The following NLRP1 variants were observed in gnomAD, a reference collection of about 807,000 sequenced individuals.
NLRP1 encodes the protein NLR family pyrin domain containing 1.
NLRP1 carries 94 observed loss-of-function variants against 136.7 expected under a neutral mutation model. That is an observed-to-expected ratio of 0.69 (90% CI 0.58 to 0.82). The LOEUF (loss-of-function observed/expected upper bound fraction) is 0.82. Among genes scored for constraint, NLRP1 ranks in the 40% least tolerant of loss-of-function variants. The probability of loss-of-function intolerance (pLI) is 0.00; values close to 1 mark genes in which losing one functional copy is unlikely to be tolerated. For missense variants in NLRP1, 1,575 were observed against 1,802.7 expected (o/e 0.87, Z 2.29); for synonymous variants, 690 against 725.1 (o/e 0.95, Z 0.78).
rs201250670 is a variant in NLRP1, at chr17:5,521,587, G to A, written c.3720C>T (p.Arg1240=). The A allele has an allele frequency of 6.2e-6, 10 of 1,614,062 alleles. No individual in the cohort carries two copies. Among genetic ancestry groups the A allele is most frequent in the South Asian group, 3.3e-5 (3 of 91,082 alleles). The stretch of plus-strand genomic sequence containing the variant: ...GGAAGGTGACTTCCTCAGGATGGAC[G>A]CGGTGGTAAAGCAACACCACAGAGG... ...PVTSVVLLYH[R]VHPEEVTFHL... Residue 1240 remains arginine, a synonymous_variant, in exon 13 of 17, where the codon CGC becomes CGT. Transcript: ENST00000572272.
intron 12 of NLRP1, among the ~76,000 whole-genome samples, chr17:5,525,705 T>C (rs555028303): frequency 6.6e-6 from 1 of 152,362 alleles, no homozygotes; most frequent in African/African-American, 2.4e-5. Context: ...TCTTACCAAC[T>C]GTGGGACTCT....
chr17:5,528,628 T>G (rs975929703), intron 12 of NLRP1, among the ~76,000 whole-genome samples: 1 of 152,178 alleles, frequency 6.6e-6, no homozygotes, highest in Non-Finnish European at 1.5e-5. Flanking sequence ...TTTTTCTCAT[T>G]TGATTTTTCT....
rs1162098358 is a variant in NLRP1, at chr17:5,517,354, C to CA, written c.4057+391_4057+392insT. Among the ~76,000 whole-genome samples the CA allele has an allele frequency of 3.2e-4, 26 of 80,838 alleles. 1 individual carries two copies. The highest frequency in any genetic ancestry group is 9.7e-4 in the African/African-American group (20 of 20,614). 53.0% of individuals were successfully genotyped at this position (80,838 alleles called of 152,430 possible). ...AACTGTGATAGTGCACTCTGCACCCCCCCCCCTCCCACATACACAGACTTT... is the reference window on the plus strand; with the variant it reads ...AACTGTGATAGTGCACTCTGCACCCCACCCCCCTCCCACATACACAGACTTT... On this transcript the variant is annotated intron_variant, in intron 15 of 16. Transcript: ENST00000572272.
In NLRP1 at chr17:5,583,625, G is replaced by A; in HGVS notation, c.271+62C>T. 6.7e-7 allele frequency: 1 copy of A among 1,495,826 alleles called. No individual in the cohort carries two copies. The highest frequency in any genetic ancestry group is 9.0e-7 in the Non-Finnish European group (1 of 1,110,218). The allele number at this position is 1,495,826 out of a possible 1,614,324, so 92.7% of individuals were successfully genotyped here. A position where few individuals can be genotyped will look rare whatever the true frequency, so the allele number is the denominator to read the frequency against. ...GGGCTCAGTGGTGGGGTCCCAAGAG[G>A]GCAGGGCAGGCATGAGGGCCAGGGG... On this transcript the variant is annotated intron_variant, in intron 1 of 16. Transcript: ENST00000572272. This position sits in a 1 kb window ranked among gnomAD's most constrained non-coding sequence, Gnocchi z 4.5.
At chr17:5,512,329 G>C, downstream of NLRP1, 1 of 1,391,936 alleles carries the variant, frequency 7.2e-7, no homozygotes. Flanking sequence ...GCCAAGAGGC[G>C]GGTCTACTTT....
chr17:5,553,643 T>C, intron 4 of NLRP1, 87 bp from the exon 5 acceptor site: 2 of 1,266,280 alleles, frequency 1.6e-6, no homozygotes, highest in Non-Finnish European at 2.2e-6. Flanking sequence ...AGTTGGGCTT[T>C]GTCCCCCTGA....
At chr17:5,530,383 G>C in intron 12 of NLRP1, 98 bp downstream of exon 12, 1 of 1,117,564 alleles carries the variant, frequency 8.9e-7, no homozygotes, top group Non-Finnish European at 1.3e-6. Flanking sequence ...CCCCTCTAAG[G>C]AAGCCACAAC....
In NLRP1 at chr17:5,517,746, C is replaced by A. The variant is rs781601159; in HGVS notation, c.4057G>T (p.Gly1353Ter). ...TLVWEALVKP[G>*]DLMPATTLIP... is the part of the protein sequence containing the mutation. ...TTCTCTGGAATTGTCCTGGATTTAC[C>A]TGGTTTCACCAAGGCCTCCCACACC... The change falls in exon 15 of 17, where the codon GGA becomes TGA. Residue 1353 changes from glycine (G) to a stop codon, truncating the protein, a stop_gained and splice_region_variant. Coordinates refer to ENST00000572272, the MANE Select transcript of NLRP1 (RefSeq NM_033004.4). LOFTEE classifies it low-confidence loss of function (END_TRUNC). 3.1e-6 allele frequency: 5 copies of A among 1,614,042 alleles called. No homozygotes were observed. Among genetic ancestry groups the A allele is most frequent in the Non-Finnish European group, 4.2e-6 (5 of 1,180,016 alleles).
At chr17:5,503,552 A>T (rs531807220) in intron 15 of NLRP1, 19 of 152,264 alleles carry the variant, frequency 1.2e-4, no homozygotes, top group African/African-American at 4.1e-4. Flanking sequence ...AGAAATGAAT[A>T]TATCACAAAA....
At chr17:5,544,327 G>C (rs1363177979) in intron 5 of NLRP1, among the ~76,000 whole-genome samples, 1 of 152,146 alleles carries the variant, frequency 6.6e-6, no homozygotes, top group Non-Finnish European at 1.5e-5. Flanking sequence ...TTGGTGATTT[G>C]GTGGGGGCAA....
At chr17:5,542,710 A>C (rs1912021219) in intron 5 of NLRP1, among the ~76,000 whole-genome samples, 2 of 146,330 alleles carry the variant, frequency 1.4e-5, no homozygotes, top group African/African-American at 2.5e-5. Context: ...AATTTTGCCC[A>C]TTTCCCTCCC....
At chr17:5,534,525 C>T (rs1178809822) in intron 8 of NLRP1, among the ~76,000 whole-genome samples, 1 of 152,200 alleles carries the variant, frequency 6.6e-6, no homozygotes, top group African/African-American at 2.4e-5. Context: ...ACCCTAAGAG[C>T]TGATCACCTT....
Position 5,583,745 on chromosome 17 carries a change from G to C in NLRP1, c.213C>G (p.Leu71=). Residue 71 remains leucine, a synonymous_variant, in exon 1 of 17, where the codon CTC becomes CTG. Coordinates refer to ENST00000572272, the MANE Select transcript of NLRP1 (RefSeq NM_033004.4). This position sits in a 1 kb window ranked among gnomAD's most constrained non-coding sequence, Gnocchi z 4.5. ...YGEQRAWDLA[L]HTWEQMGLRS... is the part of the protein sequence containing the mutation. ...TCAGCCCCATCTGCTCCCAGGTATG[G>C]AGGGCTAGGTCCCAGGCCCGCTGCT... is the stretch of plus-strand genomic sequence containing the variant. The C allele has an allele frequency of 6.4e-7, 1 of 1,553,018 alleles. No individual in the cohort carries two copies. Among genetic ancestry groups the C allele is most frequent in the Non-Finnish European group, 8.7e-7 (1 of 1,148,082 alleles).
chr17:5,529,407 G>T (rs565131759), intron 12 of NLRP1, among the ~76,000 whole-genome samples: 1 of 150,112 alleles, frequency 6.7e-6, no homozygotes, highest in Non-Finnish European at 1.5e-5. Context: ...TCGCTCTGTG[G>T]CCCAGGCTGG....
At chr17:5,512,604 C>A (rs1461210200), downstream of NLRP1, 3 of 477,404 alleles carry the variant, frequency 6.3e-6, no homozygotes, top group African/African-American at 1.9e-5. Context: ...GCGTGAAGGA[C>A]CCGAAAGACA....
intron 3 of NLRP1, among the ~76,000 whole-genome samples, chr17:5,579,579 T>G (rs1249014895): frequency 6.6e-6 from 1 of 152,214 alleles, no homozygotes; most frequent in Non-Finnish European, 1.5e-5. Flanking sequence ...GCAATCCCAT[T>G]ATTGGGTATA....
intron 4 of NLRP1, among the ~76,000 whole-genome samples, chr17:5,557,858 C>T (rs1265465612): frequency 6.6e-6 from 1 of 152,114 alleles, no homozygotes; most frequent in Non-Finnish European, 1.5e-5. Flanking sequence ...ATAGGAAACT[C>T]TTTTTGAGAG....
At position 5,533,055 on chromosome 17, in the gene NLRP1, G is replaced by A. The variant is rs1484962098; in HGVS notation, c.3134-71C>T. Reference sequence around the variant, plus strand: ...CTCCCCTAGCCCCTATGGCTGCACTGTAAGGGGCCCTTCCCAAGGCTGGCC... The same window carrying A: ...CTCCCCTAGCCCCTATGGCTGCACTATAAGGGGCCCTTCCCAAGGCTGGCC... On this transcript the variant is annotated intron_variant, in intron 10 of 16. Coordinates refer to ENST00000572272, the MANE Select transcript of NLRP1 (RefSeq NM_033004.4). 1.4e-5 allele frequency: 21 copies of A among 1,500,124 alleles called. No homozygotes were observed. In the South Asian group the frequency reaches 2.6e-4, roughly 19 times the overall value. The allele number at this position is 1,500,124 out of a possible 1,614,324, so 92.9% of individuals were successfully genotyped here.
intron 11 of NLRP1, among the ~76,000 whole-genome samples, chr17:5,531,173 A>AATCTATCTATCTATCTATCTATCT (rs5819032): frequency 7.1e-6 from 1 of 141,482 alleles, no homozygotes; most frequent in East Asian, 2.1e-4. Flanking sequence ...TAATCTATCT[A>AATCTATCTATCTATCTATCTATCT]ATCTATCTAT....
Sources: gnomAD v4.1 joint callset for allele counts (sites outside exome capture counted in the v4.1 genomes callset) on GRCh38, gnomAD v4.1.1 for gene constraint, Gnocchi (gnomAD v3.1) non-coding constraint, MANE v1.5 for transcripts, NCBI Gene and HGNC (gene_info 2026-07-23, HGNC 2026-07-21) for gene names.